The following DEPTOR variants were observed in gnomAD, a reference collection of about 807,000 sequenced individuals.
DEPTOR encodes the protein DEP domain containing MTOR interacting protein.
Under a neutral mutation model 41.6 loss-of-function variants are expected in DEPTOR, and 41 were observed. The observed-to-expected ratio is 0.98, with a 90% CI of 0.77 to 1.28. The LOEUF is 1.28. Ranked by LOEUF, DEPTOR falls within the 50% of genes most tolerant of loss-of-function variation. The pLI is 0.00. For missense variants in DEPTOR, 514 were observed against 527.9 expected, an observed-to-expected ratio of 0.97 and a Z score of 0.26; for synonymous variants, 195 against 192.3, an observed-to-expected ratio of 1.01 and a Z score of -0.12.
intron 8 of DEPTOR, among the ~76,000 whole-genome samples, chr8:120,037,154 A>C (rs1312555144): frequency 6.6e-6 from 1 of 152,174 alleles, no homozygotes; most frequent in East Asian, 1.9e-4. Context: ...GGGAACAGGG[A>C]TTGTGCATGG....
chr8:119,927,590 T>A (rs1475770899), intron 1 of DEPTOR, among the ~76,000 whole-genome samples: 1 of 146,952 alleles, frequency 6.8e-6, no homozygotes, highest in African/African-American at 2.5e-5. Context: ...TACATATATA[T>A]TATATATATA....
At chr8:119,976,484 G>A (rs1254784190) in intron 4 of DEPTOR, among the ~76,000 whole-genome samples, 1 of 152,124 alleles carries the variant, frequency 6.6e-6, no homozygotes, top group South Asian at 2.1e-4. Flanking sequence ...CAATACTGGT[G>A]TTTATACCAG....
intron 1 of DEPTOR, among the ~76,000 whole-genome samples, chr8:119,890,279 T>TTTGTTTGTTTG (rs1554671050): frequency 2.3e-4 from 35 of 150,316 alleles, no homozygotes; most frequent in African/African-American, 6.6e-4. Flanking sequence ...ATATGAGTTT[T>TTTGTTTGTTTG]TTTGTTTGTT....
intron 8 of DEPTOR, among the ~76,000 whole-genome samples, chr8:120,039,198 A>G (rs574472903): frequency 6.6e-6 from 1 of 152,278 alleles, no homozygotes; most frequent in East Asian, 1.9e-4. Context: ...TGCCCCTTCT[A>G]CCATGTGAGG....
intron 5 of DEPTOR, among the ~76,000 whole-genome samples, chr8:120,002,420 G>C (rs937543003): frequency 3.3e-5 from 5 of 152,214 alleles, no homozygotes; most frequent in African/African-American, 1.2e-4. Context: ...TTACAGGTGT[G>C]AACCACTGCG....
chr8:119,994,270 C>T (rs541274567), intron 4 of DEPTOR, among the ~76,000 whole-genome samples: 4 of 152,184 alleles, frequency 2.6e-5, no homozygotes, highest in Admixed American at 2.0e-4. Context: ...GAGCCAAAAT[C>T]GCACCACTCT....
chr8:119,883,224 C>T (rs1827320964), intron 1 of DEPTOR, among the ~76,000 whole-genome samples: 1 of 151,970 alleles, frequency 6.6e-6, no homozygotes, highest in Non-Finnish European at 1.5e-5. Flanking sequence ...CCTGTAATCC[C>T]AGCACTTTGG....
At chr8:119,974,261 A>G in intron 4 of DEPTOR, among the ~76,000 whole-genome samples, 1 of 150,408 alleles carries the variant, frequency 6.6e-6, no homozygotes, top group Admixed American at 6.7e-5. Flanking sequence ...AAAAAAAAAA[A>G]AAGAGAAAGA....
At chr8:119,925,207 T>C (rs1239369011) in intron 1 of DEPTOR, among the ~76,000 whole-genome samples, 1 of 152,064 alleles carries the variant, frequency 6.6e-6, no homozygotes, top group Non-Finnish European at 1.5e-5. Context: ...CTGGCCAACA[T>C]GGTGAAACCC....
intron 1 of DEPTOR, among the ~76,000 whole-genome samples, chr8:119,879,636 A>G (rs1827273300): frequency 6.6e-6 from 1 of 152,030 alleles, no homozygotes. Context: ...GCTTGAACCC[A>G]GGAGGCAGAG....
intron 1 of DEPTOR, among the ~76,000 whole-genome samples, chr8:119,921,445 CTG>C (rs1287156954): frequency 6.6e-6 from 1 of 152,132 alleles, no homozygotes; most frequent in African/African-American, 2.4e-5. Flanking sequence ...TTTTAGAAGT[CTG>C]TGTTTCTGAC....
chr8:119,980,478 CTTTTCTTTTCTTTTCTTTTCTTTTCT>C (rs1319094700), intron 4 of DEPTOR, among the ~76,000 whole-genome samples: 1 of 139,290 alleles, frequency 7.2e-6, no homozygotes, highest in Admixed American at 7.3e-5. Context: ...CTTTTCTTTT[CTTTTCTTTTCTTTTCTTTTCTTTTCT>C]TTTCTTTTCT....
chr8:119,938,870 T>C (rs1362292369), intron 3 of DEPTOR, among the ~76,000 whole-genome samples: 1 of 141,312 alleles, frequency 7.1e-6, no homozygotes, highest in Admixed American at 7.0e-5. Flanking sequence ...TTTCTCCCTC[T>C]CTGCCTTCCC....
rs1228486502 is a variant in DEPTOR, at chr8:119,901,462, A to G, written c.123-26938A>G. On this transcript the variant is annotated intron_variant, in intron 1 of 8. Coordinates refer to ENST00000286234, the MANE Select transcript of DEPTOR (RefSeq NM_022783.4). Reference sequence around the variant, plus strand: ...GAGGCTGAGGTGGGCGGATCACGAGATCAGGAGATCGAGACCATCCTGGCT... The same window carrying G: ...GAGGCTGAGGTGGGCGGATCACGAGGTCAGGAGATCGAGACCATCCTGGCT... Among the ~76,000 whole-genome samples the G allele has an allele frequency of 3.3e-5, 5 of 152,112 alleles. No individual in the cohort carries two copies. The East Asian group carries it at 9.7e-4, about 29-fold the overall frequency.
rs750397035 is a variant in DEPTOR at position 119,929,889 on chromosome 8, T to C, written c.376T>C (p.Leu126=). ...RFRKDDGTFP[L]DNEVKAFMRG... ...TAGAAAGGATGACGGCACCTTCCCATTGGATAATGAAGTGAAGGCCTTTAT... is the reference window on the plus strand; with the variant it reads ...TAGAAAGGATGACGGCACCTTCCCACTGGATAATGAAGTGAAGGCCTTTAT... The change falls in exon 3 of 9, where the codon TTG becomes CTG. Residue 126 remains leucine, a synonymous_variant. Transcript: ENST00000286234. 6 of 1,613,906 alleles carry C rather than the reference T, an allele frequency of 3.7e-6. No homozygotes were observed. Among genetic ancestry groups the C allele is most frequent in the East Asian group, 2.2e-5 (1 of 44,854 alleles).
At chr8:120,049,447 T>C (rs1813198509) in intron 8 of DEPTOR, 129 bp from the exon 9 acceptor site, 1 of 1,045,102 alleles carries the variant, frequency 9.6e-7, no homozygotes, top group African/African-American at 1.6e-5. Context: ...TGAATTGGAG[T>C]CGTCAGCTGG....
chr8:119,990,451 C>T (rs1176578330), intron 4 of DEPTOR, among the ~76,000 whole-genome samples: 1 of 152,174 alleles, frequency 6.6e-6, no homozygotes, highest in Admixed American at 6.5e-5. Context: ...CCACCATGCC[C>T]GGCCACCCCA....
chr8:119,983,185 C>T (rs1380238223), intron 4 of DEPTOR, among the ~76,000 whole-genome samples: 1 of 152,090 alleles, frequency 6.6e-6, no homozygotes, highest in Non-Finnish European at 1.5e-5. Flanking sequence ...TTTGGGGGTG[C>T]TGGATGAAGG....
intron 6 of DEPTOR, 146 bp from the exon 7 acceptor site, chr8:120,006,659 T>G (rs1812442927): frequency 1.6e-6 from 1 of 607,516 alleles, no homozygotes; most frequent in Non-Finnish European, 2.9e-6. Context: ...ACTGTCTCCA[T>G]TCAGCTAAAA....
Sources: gnomAD v4.1 joint callset for allele counts (sites outside exome capture counted in the v4.1 genomes callset) on GRCh38, gnomAD v4.1.1 for gene constraint, MANE v1.5 for transcripts, NCBI Gene and HGNC (gene_info 2026-07-23, HGNC 2026-07-21) for gene names.